CFAP77: variants seen among roughly 807,000 people sequenced by gnomAD.
CFAP77 encodes the protein cilia- and flagella-associated protein 77.
A neutral mutation model predicts 31.1 loss-of-function variants in CFAP77; 25 were observed. That is an observed-to-expected ratio of 0.80 (90% confidence interval 0.59 to 1.12). The LOEUF is 1.12. Among genes scored for constraint, CFAP77 ranks in the 50% most tolerant of loss-of-function variants. CFAP77 has a pLI of 0.00. For missense variants in CFAP77, 377 were observed against 397.3 expected (o/e 0.95, Z 0.44); for synonymous variants, 151 against 159.9 (o/e 0.94, Z 0.42).
chr9:132,481,171 A>G lies in CFAP77; in HGVS notation c.196-17524A>G, dbSNP rs557328464. Among the ~76,000 whole-genome samples, 5 of 152,068 alleles carry G rather than the reference A, an allele frequency of 3.3e-5. No homozygotes were observed. The South Asian group carries it at 1.0e-3, about 32-fold the overall frequency. ...TACGACAGAGCCTGGGGACTGTAAG[A>G]CCCCAAGCTACTGCTGCCCTTGGGA... On this transcript the variant is annotated intron_variant, in intron 1 of 5. Transcript: ENST00000393216. The surrounding 1 kb of genome is among the most constrained non-coding windows in gnomAD (Gnocchi z 5.0).
rs926691804 is a variant in CFAP77, at chr9:132,455,898, G to A, written c.196-42797G>A. Among the ~76,000 whole-genome samples, 9 of 152,308 alleles carry A rather than the reference G, an allele frequency of 5.9e-5. No homozygotes were observed. Among genetic ancestry groups the A allele is most frequent in the Non-Finnish European group, 8.8e-5 (6 of 68,028 alleles). Reference sequence around the variant, plus strand: ...CTTTGAGGTCCACAGACACAGACCCGAGTTCTCATCCAGCGTCAGCCACTT... The same window carrying A: ...CTTTGAGGTCCACAGACACAGACCCAAGTTCTCATCCAGCGTCAGCCACTT... On this transcript the variant is annotated intron_variant, in intron 1 of 5. Coordinates refer to ENST00000393216, the MANE Select transcript of CFAP77 (RefSeq NM_001282957.2). The surrounding 1 kb of genome is among the most constrained non-coding windows in gnomAD (Gnocchi z 4.1).
At chr9:132,513,787 G>C (rs1852086312) in intron 3 of CFAP77, among the ~76,000 whole-genome samples, 1 of 152,336 alleles carries the variant, frequency 6.6e-6, no homozygotes, top group East Asian at 1.9e-4. Flanking sequence ...AGAGCTGCTG[G>C]TTGGAATGAG....
intron 3 of CFAP77, chr9:132,513,316 C>T (rs777358071): frequency 6.5e-7 from 1 of 1,548,524 alleles, no homozygotes; most frequent in East Asian, 2.4e-5. Flanking sequence ...CCCGTGAACC[C>T]ACTACCTGGA....
At chr9:132,427,289 C>T (rs935952195) in intron 1 of CFAP77, among the ~76,000 whole-genome samples, 14 of 152,152 alleles carry the variant, frequency 9.2e-5, no homozygotes, top group African/African-American at 2.9e-4. Context: ...TCAGCACCAA[C>T]GCTCTGTTTT....
chr9:132,508,970 G>A (rs1290950294), intron 3 of CFAP77, among the ~76,000 whole-genome samples: 1 of 152,176 alleles, frequency 6.6e-6, no homozygotes, highest in Admixed American at 6.5e-5. Flanking sequence ...GGCCCTGGGC[G>A]AGGAAGTCAT....
intron 1 of CFAP77, among the ~76,000 whole-genome samples, chr9:132,414,467 A>G (rs1405582125): frequency 2.0e-5 from 3 of 151,560 alleles, no homozygotes; most frequent in Admixed American, 2.0e-4. Context: ...CACCTGCTGT[A>G]AGGAAAGCTC....
intron 1 of CFAP77, among the ~76,000 whole-genome samples, chr9:132,461,214 C>G (rs1851044728): frequency 6.6e-6 from 1 of 152,242 alleles, no homozygotes; most frequent in African/African-American, 2.4e-5. Context: ...GGAAATCACA[C>G]TTCTTATAGA....
In CFAP77 at chr9:132,545,768, A is replaced by G. The variant is rs920441991; in HGVS notation, c.732+2721A>G. 1.3e-5 allele frequency among the ~76,000 whole-genome samples: 2 copies of G among 152,188 alleles called. No homozygotes were observed. The highest frequency in any genetic ancestry group is 4.8e-5 in the African/African-American group (2 of 41,454). ...GCTGAGCAGGTCTCATCTCATAGAT[A>G]TCATGCCCCCATTCTACTGACATGG... On this transcript the variant is annotated intron_variant, in intron 5 of 5. Transcript: ENST00000393216. The surrounding 1 kb of genome is among the most constrained non-coding windows in gnomAD (Gnocchi z 4.6).
At chr9:132,458,857 G>A (rs1850976416) in intron 1 of CFAP77, among the ~76,000 whole-genome samples, 1 of 152,152 alleles carries the variant, frequency 6.6e-6, no homozygotes, top group South Asian at 2.1e-4. Flanking sequence ...TGAGGCATGT[G>A]CAAGGAAATA....
chr9:132,513,389 A>T, intron 3 of CFAP77: 4 of 1,519,082 alleles, frequency 2.6e-6, no homozygotes, highest in Non-Finnish European at 3.5e-6. Context: ...TTGAAGAAAT[A>T]AAACGTGTCA....
chr9:132,460,212 C>T (rs766059026), intron 1 of CFAP77, among the ~76,000 whole-genome samples: 5 of 152,154 alleles, frequency 3.3e-5, no homozygotes, highest in African/African-American at 4.8e-5. Flanking sequence ...CCCCAGTTCC[C>T]GGGCAGTTCA....
At chr9:132,509,018 C>G (rs1028159322) in intron 3 of CFAP77, among the ~76,000 whole-genome samples, 1 of 152,224 alleles carries the variant, frequency 6.6e-6, no homozygotes, top group African/African-American at 2.4e-5. Flanking sequence ...GTGCCAGTGG[C>G]CTGGTGCGGA....
At chr9:132,541,373 G>T (rs570728440) in intron 4 of CFAP77, among the ~76,000 whole-genome samples, 26 of 152,298 alleles carry the variant, frequency 1.7e-4, no homozygotes, top group African/African-American at 5.1e-4. Flanking sequence ...CCGAAGCCTG[G>T]CTCCATAACC....
chr9:132,542,510 C>T lies in CFAP77; in HGVS notation c.631-436C>T, dbSNP rs570368251. The stretch of plus-strand genomic sequence containing the variant: ...CGAAGAAGCTCTCACTCCTCCTGCA[C>T]GAGCAGGCCATGGAGGACCTGCTCT... On this transcript the variant is annotated intron_variant, in intron 4 of 5. Coordinates refer to ENST00000393216, the MANE Select transcript of CFAP77 (RefSeq NM_001282957.2). Among the ~76,000 whole-genome samples, 33 of 152,312 alleles carry T rather than the reference C, an allele frequency of 2.2e-4. No individual in the cohort carries two copies. The East Asian group carries it at 3.3e-3, about 15-fold the overall frequency.
intron 3 of CFAP77, among the ~76,000 whole-genome samples, chr9:132,502,265 A>T (rs787901): frequency 0.18 from 15,140 of 83,164 alleles, 984 homozygotes; most frequent in African/African-American, 0.22. Context: ...ATATATATAT[A>T]TTTTTTTTTT....
chr9:132,506,778 C>A (rs912616240), intron 3 of CFAP77, among the ~76,000 whole-genome samples: 1 of 152,084 alleles, frequency 6.6e-6, no homozygotes, highest in African/African-American at 2.4e-5. Flanking sequence ...AAAGTTAGCT[C>A]AAGTGAGTAC....
chr9:132,492,810 G>A (rs1207403888), intron 1 of CFAP77, among the ~76,000 whole-genome samples: 4 of 152,188 alleles, frequency 2.6e-5, no homozygotes, highest in Non-Finnish European at 1.5e-5. Flanking sequence ...GGTAATGAGT[G>A]GATGTGCTGC....
intron 5 of CFAP77, among the ~76,000 whole-genome samples, chr9:132,563,816 A>T (rs1399245815): frequency 2.0e-5 from 3 of 152,138 alleles, no homozygotes; most frequent in Non-Finnish European, 4.4e-5. Context: ...TGTAATGCTT[A>T]TTCTCTTGCT....
intron 5 of CFAP77, among the ~76,000 whole-genome samples, chr9:132,572,129 G>C (rs1347790344): frequency 6.6e-6 from 1 of 152,092 alleles, no homozygotes; most frequent in African/African-American, 2.4e-5. Context: ...TCTGGTCATG[G>C]CCTGGTGATT....
Sources: gnomAD v4.1 joint callset for allele counts (sites outside exome capture counted in the v4.1 genomes callset) on GRCh38, gnomAD v4.1.1 for gene constraint, Gnocchi (gnomAD v3.1) non-coding constraint, MANE v1.5 for transcripts, NCBI Gene and HGNC (gene_info 2026-07-23, HGNC 2026-07-21) for gene names.